Variants in PBX1 observed in about 807,000 individuals in gnomAD.
The protein encoded by PBX1 is pre-B-cell leukemia transcription factor 1.
A neutral mutation model predicts 53.4 loss-of-function variants in PBX1; 6 were observed. That is an observed-to-expected ratio of 0.11 (90% CI 0.06 to 0.22). PBX1 has a LOEUF of 0.22. Among genes scored for constraint, PBX1 ranks in the 10% least tolerant of loss-of-function variants. The pLI, the probability that PBX1 is intolerant of heterozygous loss-of-function variation, is 1.00. For missense variants in PBX1, 251 were observed against 551.4 expected, an observed-to-expected ratio of 0.46 and a Z score of 5.46; for synonymous variants, 204 against 212.3, an observed-to-expected ratio of 0.96 and a Z score of 0.34.
chr1:164,603,929 ATTTTTTTTTTT>A (rs71583414), intron 2 of PBX1, among the ~76,000 whole-genome samples: 3,697 of 75,784 alleles, frequency 0.049, 96 homozygotes, highest in South Asian at 0.083. Flanking sequence ...ATGTCATTTC[ATTTTTTTTTTT>A]TTTTTTTTTT....
At chr1:164,700,829 T>C in intron 2 of PBX1, 1 of 637,016 alleles carries the variant, frequency 1.6e-6, no homozygotes, top group Non-Finnish European at 2.0e-6. Flanking sequence ...CAGCCCTGTA[T>C]ATTGCCACTT....
chr1:164,846,545 A>C (rs779018826), intron 8 of PBX1, 39 bp from the exon 9 acceptor site: 2 of 1,586,362 alleles, frequency 1.3e-6, no homozygotes, highest in Middle Eastern at 3.3e-4. Context: ...CAGCCACCCA[A>C]TCTCAGAGGA....
At chr1:164,637,453 C>T (rs910786180) in intron 2 of PBX1, among the ~76,000 whole-genome samples, 2 of 152,180 alleles carry the variant, frequency 1.3e-5, no homozygotes, top group African/African-American at 4.8e-5. Context: ...GCCAGGGGCT[C>T]CTGAGTTCAA....
intron 2 of PBX1, among the ~76,000 whole-genome samples, chr1:164,608,831 G>A (rs965523521): frequency 6.6e-6 from 1 of 152,178 alleles, no homozygotes; most frequent in South Asian, 2.1e-4. Context: ...ATGGTACAAG[G>A]TTGGTAGGAG....
At chr1:164,742,898 G>C (rs932349562) in intron 2 of PBX1, among the ~76,000 whole-genome samples, 1 of 152,186 alleles carries the variant, frequency 6.6e-6, no homozygotes, top group Non-Finnish European at 1.5e-5. Context: ...ACTGTAGAGC[G>C]GTTGACAGAG....
intron 2 of PBX1, among the ~76,000 whole-genome samples, chr1:164,681,772 C>T (rs1434035232): frequency 1.3e-5 from 2 of 152,152 alleles, no homozygotes; most frequent in Admixed American, 6.5e-5. Context: ...ACCCATCCCC[C>T]ATGACATGTA....
intron 2 of PBX1, among the ~76,000 whole-genome samples, chr1:164,606,555 AAC>A (rs1656575613): frequency 6.6e-6 from 1 of 152,214 alleles, no homozygotes; most frequent in Non-Finnish European, 1.5e-5. Flanking sequence ...CAGCCTGAAC[AAC>A]AGAGTGAGAC....
chr1:164,729,819 A>G (rs1485211878), intron 2 of PBX1, among the ~76,000 whole-genome samples: 1 of 151,248 alleles, frequency 6.6e-6, no homozygotes, highest in Non-Finnish European at 1.5e-5. Context: ...CAAAAGACAG[A>G]TAATAAAAAT....
chr1:164,662,890 T>C (rs1660568060), intron 2 of PBX1, among the ~76,000 whole-genome samples: 1 of 152,210 alleles, frequency 6.6e-6, no homozygotes, highest in African/African-American at 2.4e-5. Flanking sequence ...GATATTGTTT[T>C]TCTTACTCCT....
chr1:164,654,884 G>C (rs755629711), intron 2 of PBX1, among the ~76,000 whole-genome samples: 1 of 152,144 alleles, frequency 6.6e-6, no homozygotes, highest in Non-Finnish European at 1.5e-5. Flanking sequence ...GCCATCAGGA[G>C]CTTGTGATTG....
intron 2 of PBX1, among the ~76,000 whole-genome samples, chr1:164,707,412 TGTGTGTGAGAGAGAGAGA>T (rs1440271090): frequency 3.8e-5 from 4 of 106,628 alleles, no homozygotes; most frequent in African/African-American, 9.1e-5. Context: ...TGTGTGTGTG[TGTGTGTGAGAGAGAGAGA>T]GAGAGAGAGA....
chr1:164,848,240 C>T lies in PBX1; in HGVS notation c.*1564C>T. ...ATAGCATGTATATGAAAGCTATTCT[C>T]AAAAGTCACCTGAGCTCACCATCTT... On this transcript the variant is annotated 3_prime_UTR_variant, in exon 9 of 9. Transcript: ENST00000420696. 3 of 1,053,606 alleles carry T rather than the reference C, an allele frequency of 2.8e-6. No individual in the cohort carries two copies. The highest frequency in any genetic ancestry group is 3.4e-6 in the Non-Finnish European group (3 of 872,094). The allele number at this position is 1,053,606 out of a possible 1,614,324, so 65.3% of individuals were successfully genotyped here.
At chr1:164,609,755 A>T (rs144758131) in intron 2 of PBX1, among the ~76,000 whole-genome samples, 13 of 152,322 alleles carry the variant, frequency 8.5e-5, no homozygotes, top group Non-Finnish European at 1.5e-4. Context: ...GGCAGAGACT[A>T]TTCTTACCTG....
chr1:164,677,241 C>T (rs540430851), intron 2 of PBX1, among the ~76,000 whole-genome samples: 133 of 151,532 alleles, frequency 8.8e-4, no homozygotes, highest in African/African-American at 3.0e-3. Flanking sequence ...TACAGGCGCC[C>T]GCCACCGCGC....
intron 2 of PBX1, among the ~76,000 whole-genome samples, chr1:164,635,258 C>A (rs1234158613): frequency 6.6e-6 from 1 of 152,094 alleles, no homozygotes; most frequent in Non-Finnish European, 1.5e-5. Flanking sequence ...CCCTGCTCCC[C>A]TGCTGTGTCA....
chr1:164,718,075 C>A lies in PBX1; in HGVS notation c.266-74419C>A, dbSNP rs1480543642. On this transcript the variant is annotated intron_variant, in intron 2 of 8. Coordinates refer to ENST00000420696, the MANE Select transcript of PBX1 (RefSeq NM_002585.4). ...TAAGTAAGTATCTTGCCCAAGGGGA[C>A]ACATGCTTTAAGTCACAGAGTTGGA... 4.6e-5 allele frequency among the ~76,000 whole-genome samples: 7 copies of A among 152,278 alleles called. No individual in the cohort carries two copies. In the East Asian group the frequency reaches 9.6e-4, roughly 21 times the overall value.
At chr1:164,860,995 AG>A (rs1420570308) in intron 2 of PBX1, among the ~76,000 whole-genome samples, 9 of 148,222 alleles carry the variant, frequency 6.1e-5, no homozygotes, top group Admixed American at 4.0e-4. Flanking sequence ...ATGGTGTAGG[AG>A]GAGGTGGAAA....
At chr1:164,716,779 A>G (rs1456668064) in intron 2 of PBX1, among the ~76,000 whole-genome samples, 1 of 152,112 alleles carries the variant, frequency 6.6e-6, no homozygotes, top group African/African-American at 2.4e-5. Context: ...CGAAAAAATA[A>G]AAGCCAAAAC....
chr1:164,577,055 A>G (rs1477967694), intron 2 of PBX1: 2 of 152,198 alleles, frequency 1.3e-5, no homozygotes, highest in African/African-American at 4.8e-5. Context: ...GCAGCTCCTT[A>G]GTTGGCCGTG....
Sources: allele counts gnomAD v4.1 joint callset (sites outside exome capture counted in the v4.1 genomes callset), GRCh38; gene constraint gnomAD v4.1.1; transcripts MANE v1.5; gene names NCBI Gene and HGNC (gene_info 2026-07-23, HGNC 2026-07-21).